Variants in ATRNL1 observed in about 807,000 individuals in gnomAD.
ATRNL1 encodes attractin-like protein 1.
ATRNL1 carries 95 observed loss-of-function variants against 182.7 expected under a neutral mutation model. That is an observed-to-expected ratio of 0.52 (90% CI 0.44 to 0.62). The LOEUF is 0.62. Among genes scored for constraint, ATRNL1 ranks in the 20% least tolerant of loss-of-function variants. ATRNL1 has a pLI of 0.00. For synonymous variants in ATRNL1, 576 were observed against 568.3 expected, an observed-to-expected ratio of 1.01 and a Z score of -0.19; for missense variants, 1,471 against 1,679.5, an observed-to-expected ratio of 0.88 and a Z score of 2.17.
intron 25 of ATRNL1, among the ~76,000 whole-genome samples, chr10:115,544,091 G>A (rs1592826161): frequency 6.6e-6 from 1 of 152,144 alleles, no homozygotes; most frequent in East Asian, 1.9e-4. Context: ...AGGAAAAGAA[G>A]ACCTGAAAGA....
intron 28 of ATRNL1, among the ~76,000 whole-genome samples, chr10:115,906,609 T>G (rs61865194): frequency 6.6e-6 from 1 of 152,180 alleles, no homozygotes; most frequent in Non-Finnish European, 1.5e-5. Flanking sequence ...GATATTTTCA[T>G]TAAACAATTT....
chr10:115,517,926 C>A (rs1554984260), intron 24 of ATRNL1, among the ~76,000 whole-genome samples: 1 of 151,716 alleles, frequency 6.6e-6, no homozygotes, highest in South Asian at 2.1e-4. Flanking sequence ...ATAATATTTT[C>A]ACCTATAACC....
chr10:115,124,984 C>T (rs1199916337), intron 3 of ATRNL1, among the ~76,000 whole-genome samples: 1 of 152,030 alleles, frequency 6.6e-6, no homozygotes, highest in African/African-American at 2.4e-5. Flanking sequence ...TGACTTTCAT[C>T]GTGAGTAAAA....
chr10:115,919,310 C>T (rs1187817145), intron 28 of ATRNL1, among the ~76,000 whole-genome samples: 7 of 152,196 alleles, frequency 4.6e-5, no homozygotes, highest in African/African-American at 1.7e-4. Context: ...GGCTGAAATG[C>T]TAAATAAAAC....
intron 8 of ATRNL1, among the ~76,000 whole-genome samples, chr10:115,188,037 G>C (rs1416461443): frequency 6.9e-6 from 1 of 144,408 alleles, no homozygotes; most frequent in Non-Finnish European, 1.5e-5. Context: ...GTATACAACT[G>C]GGAGAGAGGG....
chr10:115,828,107 C>G (rs1286722433), intron 27 of ATRNL1, among the ~76,000 whole-genome samples: 1 of 152,086 alleles, frequency 6.6e-6, no homozygotes, highest in African/African-American at 2.4e-5. Flanking sequence ...CACCTGAGGT[C>G]TGGAGTTCGA....
At chr10:115,303,048 T>C (rs1554925099) in intron 17 of ATRNL1, among the ~76,000 whole-genome samples, 1 of 152,032 alleles carries the variant, frequency 6.6e-6, no homozygotes, top group Non-Finnish European at 1.5e-5. Flanking sequence ...GACCTGTTTC[T>C]CAATGTTGGT....
chr10:115,751,726 G>A (rs1948454262), intron 27 of ATRNL1, among the ~76,000 whole-genome samples: 1 of 152,070 alleles, frequency 6.6e-6, no homozygotes, highest in East Asian at 1.9e-4. Flanking sequence ...ATCTTATGCT[G>A]TGGAATGATC....
At chr10:115,381,981 G>A (rs920403228) in intron 19 of ATRNL1, among the ~76,000 whole-genome samples, 1 of 151,664 alleles carries the variant, frequency 6.6e-6, no homozygotes. Flanking sequence ...ACTTATTTTG[G>A]CACCCTTGAC....
intron 1 of ATRNL1, among the ~76,000 whole-genome samples, chr10:115,101,973 T>G (rs1289598564): frequency 1.3e-5 from 2 of 152,224 alleles, no homozygotes; most frequent in Non-Finnish European, 2.9e-5. Flanking sequence ...GAAAATAATG[T>G]GTATTCTTCT....
intron 28 of ATRNL1, among the ~76,000 whole-genome samples, chr10:115,901,358 C>A (rs1952345909): frequency 6.6e-6 from 1 of 152,118 alleles, no homozygotes; most frequent in Non-Finnish European, 1.5e-5. Flanking sequence ...ATGAGCCTCA[C>A]TCAAGTCTAT....
chr10:115,108,449 G>T (rs546323669), intron 1 of ATRNL1, among the ~76,000 whole-genome samples: 1 of 152,316 alleles, frequency 6.6e-6, no homozygotes, highest in Non-Finnish European at 1.5e-5. Flanking sequence ...GAAAGGACTG[G>T]CTGGTGGCAA....
chr10:115,501,911 G>A (rs1259849236), intron 24 of ATRNL1, among the ~76,000 whole-genome samples: 1 of 151,906 alleles, frequency 6.6e-6, no homozygotes, highest in African/African-American at 2.4e-5. Context: ...AATCTTCAAA[G>A]TTATCAGAGA....
rs1047594951 is a variant in ATRNL1 at position 115,109,846 on chromosome 10, A to T, written c.294-10339A>T. Among the ~76,000 whole-genome samples the T allele has an allele frequency of 1.2e-4, 19 of 152,292 alleles. No homozygotes were observed. In the East Asian group the frequency reaches 2.5e-3, roughly 20 times the overall value. On this transcript the variant is annotated intron_variant, in intron 1 of 28. Transcript: ENST00000355044. ...ACTGAGTTACAATTTGCACCTCACC[A>T]TATTCACCTTTTAAAGATGTACAGT...
intron 26 of ATRNL1, among the ~76,000 whole-genome samples, chr10:115,598,150 G>A (rs1418933510): frequency 6.6e-6 from 1 of 151,374 alleles, no homozygotes; most frequent in East Asian, 2.0e-4. Context: ...GCAAGCCCAG[G>A]CAAGCGATAA....
intron 28 of ATRNL1, among the ~76,000 whole-genome samples, chr10:115,931,181 G>T (rs1555121537): frequency 2.0e-5 from 3 of 152,198 alleles, no homozygotes; most frequent in East Asian, 1.9e-4. Flanking sequence ...AAATATATTT[G>T]CAAATAAAAA....
At position 115,228,766 on chromosome 10, in the gene ATRNL1, CT is replaced by C. The variant is rs35765835; in HGVS notation, c.1533-12789del. Reference sequence around the variant, plus strand: ...AGACTTCAATTATATTTCTTTCTTTCTTTTTTTTTTTTTTTTGAGATGAAGT... The same window carrying C: ...AGACTTCAATTATATTTCTTTCTTTCTTTTTTTTTTTTTTTGAGATGAAGT... On this transcript the variant is annotated intron_variant, in intron 9 of 28. Coordinates refer to ENST00000355044, the MANE Select transcript of ATRNL1 (RefSeq NM_207303.4). Among the ~76,000 whole-genome samples, 185 of 133,742 alleles carry C rather than the reference CT, an allele frequency of 1.4e-3. 1 individual carries two copies. Among genetic ancestry groups the C allele is most frequent in the African/African-American group, 1.8e-3 (67 of 36,496 alleles). 87.7% of individuals were successfully genotyped at this position (133,742 alleles called of 152,430 possible).
Position 115,582,124 on chromosome 10 carries a change from T to A in ATRNL1, c.3795+32588T>A, listed in dbSNP as rs1397601402. Among the ~76,000 whole-genome samples, 4 of 152,190 alleles carry A rather than the reference T, an allele frequency of 2.6e-5. No homozygotes were observed. In the East Asian group the frequency reaches 7.7e-4, roughly 29 times the overall value. ...ATTCCATGGTGTATGTGTGCCACAT[T>A]TTCTTAATCCAGTCTATCATTGTTG... On this transcript the variant is annotated intron_variant, in intron 26 of 28. Coordinates refer to ENST00000355044, the MANE Select transcript of ATRNL1 (RefSeq NM_207303.4).
intron 9 of ATRNL1, among the ~76,000 whole-genome samples, chr10:115,235,963 T>C (rs781820580): frequency 6.6e-6 from 1 of 152,178 alleles, no homozygotes; most frequent in Non-Finnish European, 1.5e-5. Context: ...GTCTATATAT[T>C]CATTTATATC....
Sources: allele counts gnomAD v4.1 joint callset (sites outside exome capture counted in the v4.1 genomes callset), GRCh38; gene constraint gnomAD v4.1.1; transcripts MANE v1.5; gene names NCBI Gene and HGNC (gene_info 2026-07-23, HGNC 2026-07-21).